Variants in RAD51B observed in about 807,000 individuals in gnomAD.
The protein encoded by RAD51B is DNA repair protein RAD51 homolog 2.
RAD51B carries 38 observed loss-of-function variants against 42.2 expected under a neutral mutation model. That is an observed-to-expected ratio of 0.90 (90% CI 0.70 to 1.18). The LOEUF (loss-of-function observed/expected upper bound fraction) is 1.18, where lower values mean the gene tolerates loss of function less well. Among genes scored for constraint, RAD51B ranks in the 50% most tolerant of loss-of-function variants. The probability of loss-of-function intolerance (pLI) is 0.00; values close to 1 mark genes in which losing one functional copy is unlikely to be tolerated. For synonymous variants in RAD51B, 154 were observed against 145.2 expected, an observed-to-expected ratio of 1.06 and a Z score of -0.43; for missense variants, 373 against 400.7, an observed-to-expected ratio of 0.93 and a Z score of 0.59.
intron 8 of RAD51B, among the ~76,000 whole-genome samples, chr14:68,349,303 C>G (rs2082735552): frequency 6.6e-6 from 1 of 152,018 alleles, no homozygotes; most frequent in Non-Finnish European, 1.5e-5. Flanking sequence ...CTAAAAGGAA[C>G]AAACTAGAAT....
intron 7 of RAD51B, among the ~76,000 whole-genome samples, chr14:68,207,922 T>G (rs2079626075): frequency 6.6e-6 from 1 of 152,170 alleles, no homozygotes; most frequent in South Asian, 2.1e-4. Context: ...TTGGGGACAT[T>G]TACATTTAGC....
chr14:68,293,829 ACAC>A (rs1355410635), intron 8 of RAD51B, among the ~76,000 whole-genome samples: 1 of 152,228 alleles, frequency 6.6e-6, no homozygotes, highest in Admixed American at 6.5e-5. Flanking sequence ...GATTTTAAAG[ACAC>A]GACCATGTCA....
intron 7 of RAD51B, among the ~76,000 whole-genome samples, chr14:68,037,320 A>G (rs2076149697): frequency 6.7e-6 from 1 of 149,872 alleles, no homozygotes; most frequent in African/African-American, 2.5e-5. Context: ...TCCTGGGTTC[A>G]AGCAATTCTT....
chr14:68,009,267 A>T (rs1595250406), intron 7 of RAD51B, among the ~76,000 whole-genome samples: 1 of 152,048 alleles, frequency 6.6e-6, no homozygotes, highest in East Asian at 1.9e-4. Context: ...TATAGTACAG[A>T]GGGAGAGAAT....
chr14:68,122,225 A>C (rs576935125), intron 7 of RAD51B, among the ~76,000 whole-genome samples: 180 of 152,292 alleles, frequency 1.2e-3, no homozygotes, highest in African/African-American at 4.1e-3. Flanking sequence ...AAGATAACTA[A>C]CTTTAAATAC....
chr14:68,566,686 T>C (rs1454271006), intron 10 of RAD51B, among the ~76,000 whole-genome samples: 1 of 152,164 alleles, frequency 6.6e-6, no homozygotes, highest in Non-Finnish European at 1.5e-5. Context: ...ACTGGGGGCA[T>C]GCTTGGATTG....
At chr14:68,045,845 TAAGAA>T (rs2076290957) in intron 7 of RAD51B, among the ~76,000 whole-genome samples, 2 of 152,122 alleles carry the variant, frequency 1.3e-5, no homozygotes, top group South Asian at 4.1e-4. Flanking sequence ...TCATGACAGT[TAAGAA>T]AAGATTTATT....
intron 10 of RAD51B, among the ~76,000 whole-genome samples, chr14:68,527,579 G>C (rs1301345254): frequency 6.6e-6 from 1 of 152,258 alleles, no homozygotes; most frequent in Non-Finnish European, 1.5e-5. Context: ...TTTGTGTTTT[G>C]CTGCTCCTTT....
At position 68,411,484 on chromosome 14, in the gene RAD51B, A is replaced by T. The variant is rs2140082871; in HGVS notation, c.914A>T (p.Asn305Ile). ...ALGNTWSHSV[N>I]TRLILQYLDS... Reference sequence around the variant, plus strand: ...GGAAATACCTGGAGTCACAGTGTGAATACCCGGCTGATCCTCCAGTACCTT... The same window carrying T: ...GGAAATACCTGGAGTCACAGTGTGATTACCCGGCTGATCCTCCAGTACCTT... The change falls in exon 9 of 11, where the codon AAT (asparagine) becomes ATT (isoleucine). Residue 305 changes from asparagine (N) to isoleucine (I), a missense_variant. By Grantham distance (149) the Asn-to-Ile change is moderately radical. Coordinates refer to ENST00000471583, the MANE Select transcript of RAD51B (RefSeq NM_133510.4). The T allele has an allele frequency of 6.2e-7, 1 of 1,614,184 alleles. No homozygotes were observed.
At chr14:68,683,092 C>A (rs1233658379) in intron 11 of RAD51B, 4 of 317,238 alleles carry the variant, frequency 1.3e-5, no homozygotes, top group Admixed American at 1.0e-4. Flanking sequence ...TGGGGCCTGC[C>A]AAAACGTACT....
intron 10 of RAD51B, among the ~76,000 whole-genome samples, chr14:68,514,475 G>A (rs186877836): frequency 2.0e-5 from 3 of 152,142 alleles, no homozygotes; most frequent in Non-Finnish European, 2.9e-5. Flanking sequence ...CTGCTCTGAC[G>A]CTCTGAAAGA....
intron 7 of RAD51B, among the ~76,000 whole-genome samples, chr14:68,223,040 C>G (rs1272394539): frequency 6.6e-6 from 1 of 152,180 alleles, no homozygotes; most frequent in African/African-American, 2.4e-5. Context: ...TGGGCTAACT[C>G]CAACTCAGAA....
At chr14:68,416,005 T>C (rs1265785666) in intron 9 of RAD51B, among the ~76,000 whole-genome samples, 1 of 152,316 alleles carries the variant, frequency 6.6e-6, no homozygotes, top group South Asian at 2.1e-4. Flanking sequence ...ATGAACTTTC[T>C]AATAATATTT....
chr14:68,060,258 G>T (rs923594672), intron 7 of RAD51B, among the ~76,000 whole-genome samples: 11 of 152,270 alleles, frequency 7.2e-5, no homozygotes, highest in Non-Finnish European at 1.6e-4. Context: ...GAAGATAAAA[G>T]AATTAAAATG....
intron 4 of RAD51B, among the ~76,000 whole-genome samples, chr14:67,838,451 T>A (rs1566916611): frequency 6.6e-6 from 1 of 151,076 alleles, no homozygotes; most frequent in African/African-American, 2.4e-5. Flanking sequence ...TATTTTAAAT[T>A]AAAAAAAAAG....
chr14:67,898,745 A>G (rs953556199), intron 7 of RAD51B, among the ~76,000 whole-genome samples: 3 of 152,218 alleles, frequency 2.0e-5, no homozygotes, highest in Non-Finnish European at 2.9e-5. Flanking sequence ...AAACAACTTT[A>G]ATTTTCCTAG....
chr14:68,236,411 T>C (rs2080259178), intron 7 of RAD51B: 2 of 152,158 alleles, frequency 1.3e-5, no homozygotes, highest in Non-Finnish European at 2.9e-5. Flanking sequence ...GTCACCATAT[T>C]GATGTCAAAT....
chr14:68,178,424 A>G (rs965451873), intron 7 of RAD51B, among the ~76,000 whole-genome samples: 3 of 152,152 alleles, frequency 2.0e-5, no homozygotes, highest in South Asian at 2.1e-4. Flanking sequence ...CTTCAGTCTC[A>G]TGCATAAAGA....
At chr14:68,325,164 T>C (rs1387949759) in intron 8 of RAD51B, among the ~76,000 whole-genome samples, 2 of 152,220 alleles carry the variant, frequency 1.3e-5, no homozygotes, top group African/African-American at 2.4e-5. Context: ...TGTGTCCAAC[T>C]TCTTAATGTT....
Sources: allele counts gnomAD v4.1 joint callset (sites outside exome capture counted in the v4.1 genomes callset), GRCh38; gene constraint gnomAD v4.1.1; transcripts MANE v1.5; gene names NCBI Gene and HGNC (gene_info 2026-07-23, HGNC 2026-07-21).